Variants in PDE4D observed in about 807,000 individuals in gnomAD.
The protein encoded by PDE4D is phosphodiesterase 4D, also known as 3',5'-cyclic-AMP phosphodiesterase 4D.
A neutral mutation model predicts 87.4 loss-of-function variants in PDE4D; 24 were observed. That is an observed-to-expected ratio of 0.27 (90% CI 0.20 to 0.39). The LOEUF is 0.39. PDE4D is among the 10% of genes least tolerant of loss of function. The pLI is 1.00. For missense variants in PDE4D, 714 were observed against 1,041.0 expected, an observed-to-expected ratio of 0.69 and a Z score of 4.32; for synonymous variants, 384 against 383.2, an observed-to-expected ratio of 1.00 and a Z score of -0.02.
chr5:60,451,609 G>T (rs1394081600), intron 1 of PDE4D, among the ~76,000 whole-genome samples: 1 of 152,002 alleles, frequency 6.6e-6, no homozygotes, highest in African/African-American at 2.4e-5. Flanking sequence ...TTGACCAAAA[G>T]GCAACTGATA....
intron 2 of PDE4D, among the ~76,000 whole-genome samples, chr5:60,141,939 A>C (rs1780569197): frequency 6.6e-6 from 1 of 152,128 alleles, no homozygotes; most frequent in Admixed American, 6.6e-5. Flanking sequence ...ATATAGGATA[A>C]TTTAAGTAAT....
intron 1 of PDE4D, among the ~76,000 whole-genome samples, chr5:60,275,349 TTAATA>T (rs1214309156): frequency 3.3e-5 from 5 of 152,232 alleles, no homozygotes; most frequent in African/African-American, 4.8e-5. Flanking sequence ...AAACTGTTCT[TTAATA>T]TAAGATAAAA....
chr5:59,474,941 G>T (rs1464093768), intron 1 of PDE4D, among the ~76,000 whole-genome samples: 3 of 151,838 alleles, frequency 2.0e-5, no homozygotes, highest in African/African-American at 7.3e-5. Flanking sequence ...CCCTAAAAAG[G>T]TGTTTACCAT....
intron 1 of PDE4D, among the ~76,000 whole-genome samples, chr5:59,378,977 T>G (rs1355161870): frequency 1.3e-5 from 1 of 77,958 alleles, no homozygotes; most frequent in Non-Finnish European, 2.5e-5. Context: ...CACGTGTGTG[T>G]GTTTGTGTGT....
intron 1 of PDE4D, among the ~76,000 whole-genome samples, chr5:60,385,107 G>C (rs1255269947): frequency 6.6e-6 from 1 of 152,128 alleles, no homozygotes; most frequent in Non-Finnish European, 1.5e-5. Flanking sequence ...CATTGCCACT[G>C]TTCCTCCACA....
intron 3 of PDE4D, among the ~76,000 whole-genome samples, chr5:59,913,368 T>C (rs1753656891): frequency 1.3e-5 from 2 of 152,186 alleles, no homozygotes; most frequent in South Asian, 4.1e-4. Context: ...GTGGCAGTTG[T>C]TACAATGTTC....
At position 59,985,753 on chromosome 5, in the gene PDE4D, G is replaced by A. The variant is rs542041705; in HGVS notation, c.272+2735C>T. ...TTGGTATATGTAGGGGATTGGTTTCGGGTCTACCACATGTACCAAAATTCA... is the reference window on the plus strand; with the variant it reads ...TTGGTATATGTAGGGGATTGGTTTCAGGTCTACCACATGTACCAAAATTCA... On this transcript the variant is annotated intron_variant, in intron 3 of 16. Coordinates refer to the PDE4D transcript ENST00000502484. Among the ~76,000 whole-genome samples the A allele has an allele frequency of 3.3e-5, 5 of 152,228 alleles. No individual in the cohort carries two copies. The East Asian group carries it at 5.8e-4, about 18-fold the overall frequency.
Position 59,308,125 on chromosome 5 carries a change from A to G in PDE4D, c.456-92157T>C, listed in dbSNP as rs1028122730. Among the ~76,000 whole-genome samples the G allele has an allele frequency of 1.0e-3, 147 of 144,946 alleles. 3 individuals are homozygous for G. The highest frequency in any genetic ancestry group is 8.7e-4 in the Non-Finnish European group (58 of 66,682). On this transcript the variant is annotated intron_variant, in intron 1 of 14. Transcript: ENST00000340635. ...CTATCGCAAGAACAAAAAACCAAAC[A>G]CCGCATGTTCTCACTCATAGGTGGG...
chr5:59,970,741 A>G (rs1235266151), intron 3 of PDE4D, among the ~76,000 whole-genome samples: 1 of 147,724 alleles, frequency 6.8e-6, no homozygotes, highest in Admixed American at 6.8e-5. Context: ...AAATAGGAAC[A>G]CTTTTACACT....
chr5:60,148,878 C>A (rs1351190311), intron 2 of PDE4D, among the ~76,000 whole-genome samples: 1 of 152,126 alleles, frequency 6.6e-6, no homozygotes, highest in Non-Finnish European at 1.5e-5. Context: ...GTATGGGAAA[C>A]TCAAATGCTT....
chr5:59,826,102 T>C (rs967197985), intron 1 of PDE4D, among the ~76,000 whole-genome samples: 5 of 152,184 alleles, frequency 3.3e-5, no homozygotes, highest in African/African-American at 1.2e-4. Context: ...AGAATTTGTG[T>C]TTTTCTGTTA....
At chr5:59,378,935 A>C (rs569165164) in intron 1 of PDE4D, among the ~76,000 whole-genome samples, 24 of 151,652 alleles carry the variant, frequency 1.6e-4, no homozygotes, top group Non-Finnish European at 3.1e-4. Context: ...TTTAGAAGAG[A>C]AAAAGGATAG....
intron 1 of PDE4D, among the ~76,000 whole-genome samples, chr5:60,357,566 A>T (rs1188872497): frequency 6.6e-6 from 1 of 152,164 alleles, no homozygotes; most frequent in East Asian, 1.9e-4. Context: ...GACCAACTGC[A>T]TTTCAAAGAC....
intron 1 of PDE4D, among the ~76,000 whole-genome samples, chr5:60,475,729 T>A (rs1472412493): frequency 6.6e-6 from 1 of 150,616 alleles, no homozygotes; most frequent in Non-Finnish European, 1.5e-5. Flanking sequence ...GCAGAGAATT[T>A]ACCAGAGCTA....
chr5:59,734,129 C>T (rs977381383), intron 1 of PDE4D, among the ~76,000 whole-genome samples: 2 of 152,004 alleles, frequency 1.3e-5, no homozygotes, highest in African/African-American at 4.8e-5. Context: ...ACACGCACAC[C>T]CAAACACACA....
At chr5:60,014,491 C>T (rs1765333855) in intron 2 of PDE4D, among the ~76,000 whole-genome samples, 3 of 152,122 alleles carry the variant, frequency 2.0e-5, no homozygotes, top group African/African-American at 7.2e-5. Context: ...AATGTGGCCT[C>T]AGGGTAAATA....
rs571398905 is a variant in PDE4D, at chr5:60,051,161, G to A, written c.43-62444C>T. 2.0e-3 allele frequency among the ~76,000 whole-genome samples: 299 copies of A among 152,178 alleles called. 1 individual carries two copies. The highest frequency in any genetic ancestry group is 6.9e-3 in the African/African-American group (286 of 41,516). On this transcript the variant is annotated intron_variant, in intron 2 of 16. Coordinates refer to the PDE4D transcript ENST00000502484. ...ACAGAAAATTAACAAGGATATTCAG[G>A]ACTTGATCTCAGCTCTGGACCAAGC...
chr5:60,279,680 A>G (rs1310998854), intron 1 of PDE4D, among the ~76,000 whole-genome samples: 1 of 136,094 alleles, frequency 7.3e-6, no homozygotes, highest in African/African-American at 3.0e-5. Flanking sequence ...TGTGTTGTTG[A>G]TTTCTTTTTT....
At chr5:60,301,577 G>A (rs1753896908) in intron 1 of PDE4D, among the ~76,000 whole-genome samples, 1 of 152,160 alleles carries the variant, frequency 6.6e-6, no homozygotes, top group African/African-American at 2.4e-5. Context: ...GACTGCTGAA[G>A]TTGCTTATCA....
Sources: allele counts gnomAD v4.1 joint callset (sites outside exome capture counted in the v4.1 genomes callset), GRCh38; gene constraint gnomAD v4.1.1; transcripts MANE v1.5; gene names NCBI Gene and HGNC (gene_info 2026-07-23, HGNC 2026-07-21).